Variants in ZFHX3 observed in about 807,000 individuals in gnomAD.
ZFHX3 encodes zinc finger homeobox 3.
ZFHX3 carries 42 observed loss-of-function variants against 279.1 expected under a neutral mutation model. The observed-to-expected ratio is 0.15, with a 90% CI of 0.12 to 0.19. The LOEUF (loss-of-function observed/expected upper bound fraction) is 0.19. Ranked by LOEUF, ZFHX3 falls within the 10% of genes least tolerant of loss-of-function variation. ZFHX3 has a pLI of 1.00. For synonymous variants in ZFHX3, 2,293 were observed against 1,957.8 expected (o/e 1.17, Z -4.52); for missense variants, 4,981 against 4,754.0 (o/e 1.05, Z -1.40).
At chr16:72,954,737 G>A (rs1311175950) in intron 2 of ZFHX3, among the ~76,000 whole-genome samples, 1 of 152,164 alleles carries the variant, frequency 6.6e-6, no homozygotes, top group African/African-American at 2.4e-5. Context: ...CTAATGTGCT[G>A]TCTACAAAGA....
At chr16:73,059,528 C>G (rs1434697545) in exon 1 of ZFHX3, 2 of 104,984 alleles carry the variant, frequency 1.9e-5, no homozygotes, top group African/African-American at 8.7e-5. Context: ...TCCCCTTTCT[C>G]TCTCTCTCTC....
At chr16:73,751,064 T>A (rs2053757925) in intron 1 of ZFHX3, among the ~76,000 whole-genome samples, 1 of 152,182 alleles carries the variant, frequency 6.6e-6, no homozygotes, top group Non-Finnish European at 1.5e-5. Flanking sequence ...TCCATTTAAT[T>A]GAAGTGTGGT....
chr16:73,351,147 CAAGA>C (rs2016234111), intron 3 of ZFHX3, among the ~76,000 whole-genome samples: 1 of 152,142 alleles, frequency 6.6e-6, no homozygotes, highest in Non-Finnish European at 1.5e-5. Flanking sequence ...GGAAAAAACC[CAAGA>C]GTAGCTATCT....
At chr16:73,707,718 T>C (rs1475729699) in intron 1 of ZFHX3, among the ~76,000 whole-genome samples, 1 of 150,266 alleles carries the variant, frequency 6.7e-6, no homozygotes, top group African/African-American at 2.4e-5. Context: ...TGTGCACATG[T>C]ACCCTAAAAC....
rs1961494081 is a variant in ZFHX3, at chr16:73,847,988, T to C, written c.-1608+43663A>G. Among the ~76,000 whole-genome samples, 8 of 144,140 alleles carry C rather than the reference T, an allele frequency of 5.6e-5. No homozygotes were observed. In the Admixed American group the frequency reaches 5.8e-4, roughly 10 times the overall value. The allele number at this position is 144,140 out of a possible 152,430, so 94.6% of individuals were successfully genotyped here. ...ATTGGCCAGACTGGTCTCAAACTCCTGACCTCATGATCCACCCACCTCGGC... is the reference window on the plus strand; with the variant it reads ...ATTGGCCAGACTGGTCTCAAACTCCCGACCTCATGATCCACCCACCTCGGC... On this transcript the variant is annotated intron_variant, in intron 1 of 17. Transcript: ENST00000641206.
chr16:72,802,066 C>A (rs1254707902), intron 7 of ZFHX3, among the ~76,000 whole-genome samples: 3 of 152,150 alleles, frequency 2.0e-5, no homozygotes, highest in East Asian at 3.9e-4. Context: ...TTATCTAACA[C>A]CTCAGCTGCA....
At chr16:73,372,629 A>T (rs997071226) in intron 3 of ZFHX3, among the ~76,000 whole-genome samples, 8 of 152,306 alleles carry the variant, frequency 5.3e-5, no homozygotes, top group African/African-American at 1.9e-4. Context: ...AAGGAAAGGG[A>T]AATGTAAATT....
intron 4 of ZFHX3, among the ~76,000 whole-genome samples, chr16:72,878,197 C>G (rs1345631224): frequency 1.3e-5 from 2 of 152,014 alleles, no homozygotes; most frequent in East Asian, 3.9e-4. Context: ...AAAACAAAAA[C>G]AAAAACAAAA....
intron 7 of ZFHX3, among the ~76,000 whole-genome samples, chr16:73,108,728 CA>C (rs1406783411): frequency 6.6e-6 from 1 of 152,222 alleles, no homozygotes. Context: ...GTGGTTCTAA[CA>C]GGGTTAAAGT....
intron 2 of ZFHX3, among the ~76,000 whole-genome samples, chr16:73,546,936 G>A (rs758157771): frequency 1.3e-5 from 2 of 151,690 alleles, no homozygotes; most frequent in South Asian, 2.1e-4. Context: ...AGGCCCCTCC[G>A]ACCCACCCCT....
At chr16:73,079,274 CA>C (rs1178103166) in intron 8 of ZFHX3, among the ~76,000 whole-genome samples, 1 of 151,836 alleles carries the variant, frequency 6.6e-6, no homozygotes, top group Non-Finnish European at 1.5e-5. Flanking sequence ...CGTGTAATCC[CA>C]GCACCTTGGG....
In ZFHX3 at chr16:72,795,338, T is replaced by C. The variant is rs1304512404; in HGVS notation, c.7344A>G (p.Gly2448=). The part of the protein sequence containing the change: ...AQPNQTQEKQ[G]QPKPELQQQE... ...GCTGCTGCAGCTCTGGCTTTGGTTG[T>C]CCTTGCTTTTCTTGGGTTTGGTTTG... Residue 2448 remains glycine, a synonymous_variant, in exon 9 of 10, where the codon GGA becomes GGG. Coordinates refer to ENST00000268489, the MANE Select transcript of ZFHX3 (RefSeq NM_006885.4). 2.5e-6 allele frequency: 4 copies of C among 1,613,996 alleles called. No individual in the cohort carries two copies. Among genetic ancestry groups the C allele is most frequent in the Non-Finnish European group, 2.5e-6 (3 of 1,180,026 alleles).
At chr16:73,246,326 G>T (rs1008708507) in intron 5 of ZFHX3, among the ~76,000 whole-genome samples, 3 of 152,104 alleles carry the variant, frequency 2.0e-5, no homozygotes, top group African/African-American at 7.2e-5. Context: ...GGAGAATGAG[G>T]CTTGGCCAAT....
intron 4 of ZFHX3, among the ~76,000 whole-genome samples, chr16:73,257,731 G>C (rs1421657436): frequency 6.6e-6 from 1 of 152,224 alleles, no homozygotes; most frequent in African/African-American, 2.4e-5. Flanking sequence ...TTGGCTGAAA[G>C]GAGGGTAAAT....
chr16:73,347,691 A>G (rs2016148307), intron 3 of ZFHX3, among the ~76,000 whole-genome samples: 1 of 152,230 alleles, frequency 6.6e-6, no homozygotes, highest in Admixed American at 6.5e-5. Context: ...AGTTAATTTC[A>G]TCTGTTTTGC....
At chr16:73,075,667 T>C (rs1179741515) in intron 8 of ZFHX3, among the ~76,000 whole-genome samples, 1 of 151,716 alleles carries the variant, frequency 6.6e-6, no homozygotes, top group Non-Finnish European at 1.5e-5. Flanking sequence ...GGAGTCTCGC[T>C]CTGTGGCCCA....
intron 3 of ZFHX3, chr16:73,420,273 G>A (rs772233028): frequency 6.6e-6 from 1 of 152,198 alleles, no homozygotes; most frequent in Non-Finnish European, 1.5e-5. Context: ...CTGTGTAAGT[G>A]CTATGAATGT....
Position 72,889,712 on chromosome 16 carries a change from T to C in ZFHX3, c.3448+19A>G, listed in dbSNP as rs948865318. 1 of 1,609,522 alleles carries C rather than the reference T, an allele frequency of 6.2e-7. No homozygotes were observed. The highest frequency in any genetic ancestry group is 8.5e-7 in the Non-Finnish European group (1 of 1,178,412). ...ACCCAGGCCCAACCTGGGCCTCCCA[T>C]GCCTGTGAGACCACTCACCTGGGTC... On this transcript the variant is annotated intron_variant, in intron 4 of 9. Coordinates refer to ENST00000268489, the MANE Select transcript of ZFHX3 (RefSeq NM_006885.4).
At chr16:73,127,517 G>A (rs763278554) in intron 7 of ZFHX3, 1 of 1,305,512 alleles carries the variant, frequency 7.7e-7, no homozygotes. Flanking sequence ...GGGAAGAAGA[G>A]AGCCCCTGAA....
Sources: gnomAD v4.1 joint callset for allele counts (sites outside exome capture counted in the v4.1 genomes callset) on GRCh38, gnomAD v4.1.1 for gene constraint, MANE v1.5 for transcripts, NCBI Gene and HGNC (gene_info 2026-07-23, HGNC 2026-07-21) for gene names.